The following TNRC6B variants were observed in gnomAD, a reference collection of about 807,000 sequenced individuals.
TNRC6B encodes trinucleotide repeat-containing gene 6B protein.
Under a neutral mutation model 203.6 loss-of-function variants are expected in TNRC6B, and 52 were observed. The ratio of observed to expected loss-of-function variants is 0.26; its 90% CI spans 0.20 to 0.32. The LOEUF is 0.32. TNRC6B is among the 10% of genes least tolerant of loss of function. The pLI, the probability that TNRC6B is intolerant of heterozygous loss-of-function variation, is 1.00. For missense variants in TNRC6B, 1,923 were observed against 2,286.2 expected (o/e 0.84, Z 3.24); for synonymous variants, 838 against 845.7 (o/e 0.99, Z 0.16).
rs576792820 is a variant in TNRC6B at position 40,086,317 on chromosome 22, G to T, written c.-120-30738G>T. ...GTATCCTCCAAAAGAGACCAGTAAGGTCTTAAAATATACTTATTTCATTAT... is the reference window on the plus strand; with the variant it reads ...GTATCCTCCAAAAGAGACCAGTAAGTTCTTAAAATATACTTATTTCATTAT... On this transcript the variant is annotated intron_variant, in intron 1 of 23. Coordinates refer to the TNRC6B transcript ENST00000301923. Among the ~76,000 whole-genome samples, 11 of 152,230 alleles carry T rather than the reference G, an allele frequency of 7.2e-5. No homozygotes were observed. In the East Asian group the frequency reaches 2.1e-3, roughly 29 times the overall value.
chr22:40,228,491 G>C (rs1054762952), intron 1 of TNRC6B, among the ~76,000 whole-genome samples: 1 of 151,338 alleles, frequency 6.6e-6, no homozygotes, highest in African/African-American at 2.4e-5. Flanking sequence ...GTATGTTAGA[G>C]TATGTGGTAT....
chr22:40,195,565 T>A (rs1352825156), intron 1 of TNRC6B, among the ~76,000 whole-genome samples: 1 of 150,972 alleles, frequency 6.6e-6, no homozygotes, highest in East Asian at 2.0e-4. Context: ...AGCCAAACAA[T>A]ACTCCTGGGT....
intron 1 of TNRC6B, among the ~76,000 whole-genome samples, chr22:40,053,479 G>GA (rs11388814): frequency 0.32 from 47,704 of 150,880 alleles, 9,656 homozygotes; most frequent in African/African-American, 0.58. Flanking sequence ...CTACAGTATG[G>GA]AAAAAAAAAT....
At chr22:40,147,123 G>T (rs1232784034) in intron 3 of TNRC6B, among the ~76,000 whole-genome samples, 1 of 152,222 alleles carries the variant, frequency 6.6e-6, no homozygotes, top group Non-Finnish European at 1.5e-5. Context: ...CTTACAAAGG[G>T]AAGGAAACTC....
chr22:40,143,672 A>AT (rs1038853288), intron 3 of TNRC6B, among the ~76,000 whole-genome samples: 6 of 151,958 alleles, frequency 3.9e-5, no homozygotes, highest in Non-Finnish European at 7.4e-5. Context: ...AATTTTTTGT[A>AT]TTTTTAGTAG....
intron 2 of TNRC6B, among the ~76,000 whole-genome samples, chr22:40,120,335 CAAA>C (rs11429406): frequency 1.7e-5 from 2 of 118,302 alleles, no homozygotes; most frequent in African/African-American, 2.8e-5. Context: ...GACCCTGTCT[CAAA>C]AAAAAAAAAA....
intron 1 of TNRC6B, among the ~76,000 whole-genome samples, chr22:40,076,814 C>G (rs1482149161): frequency 3.3e-5 from 5 of 152,130 alleles, no homozygotes. Flanking sequence ...TTACCTTTAG[C>G]TTGACAATGT....
chr22:40,124,503 G>C (rs897443352), intron 2 of TNRC6B, among the ~76,000 whole-genome samples: 2 of 151,692 alleles, frequency 1.3e-5, no homozygotes, highest in Non-Finnish European at 2.9e-5. Flanking sequence ...TTGTATTTTG[G>C]GTAGAGGTGG....
intron 1 of TNRC6B, among the ~76,000 whole-genome samples, chr22:40,079,059 C>T (rs531990056): frequency 1.3e-5 from 2 of 151,178 alleles, no homozygotes; most frequent in Non-Finnish European, 2.9e-5. Flanking sequence ...GGGCGACAAG[C>T]ATGAAACTCT....
chr22:40,147,468 A>C (rs1458878684), intron 3 of TNRC6B, among the ~76,000 whole-genome samples: 2 of 152,232 alleles, frequency 1.3e-5, no homozygotes, highest in African/African-American at 4.8e-5. Flanking sequence ...ATTTTCTGAT[A>C]GTTCTAGAGG....
At chr22:40,317,820 C>T (rs2071279379) in intron 21 of TNRC6B, among the ~76,000 whole-genome samples, 1 of 152,220 alleles carries the variant, frequency 6.6e-6, no homozygotes, top group South Asian at 2.1e-4. Context: ...AAAACTGAGT[C>T]CATCACAACC....
At position 40,264,630 on chromosome 22, in the gene TNRC6B, G is replaced by A. The variant is rs2070445181; in HGVS notation, c.458-58G>A. ...AGCTCAAAGGAGAGCCCCTTTGAGG[G>A]ATTAATGGGTAATGAATGCATTTGA... On this transcript the variant is annotated intron_variant, in intron 4 of 22. Transcript: ENST00000454349. 3.3e-6 allele frequency: 5 copies of A among 1,514,140 alleles called. No homozygotes were observed. The Admixed American group carries it at 1.1e-4, about 34-fold the overall frequency. The allele number at this position is 1,514,140 out of a possible 1,614,324, so 93.8% of individuals were successfully genotyped here.
chr22:40,315,601 G>T, intron 20 of TNRC6B, 94 bp downstream of exon 20: 1 of 1,358,198 alleles, frequency 7.4e-7, no homozygotes, highest in Non-Finnish European at 1.0e-6. Flanking sequence ...CTTCCCAAGA[G>T]AGGAAGTCAT....
At chr22:40,258,071 C>CTGTTTTTTT (rs2070309689) in intron 3 of TNRC6B, among the ~76,000 whole-genome samples, 1 of 28,700 alleles carries the variant, frequency 3.5e-5, no homozygotes, top group Non-Finnish European at 6.4e-5. Flanking sequence ...GATACACAGC[C>CTGTTTTTTT]TTTTTTTTTT....
intron 5 of TNRC6B, among the ~76,000 whole-genome samples, chr22:40,268,419 T>G (rs2070510502): frequency 6.6e-6 from 1 of 152,198 alleles, no homozygotes; most frequent in Non-Finnish European, 1.5e-5. Flanking sequence ...ACCTCTAGTG[T>G]TCAGCTAATC....
At chr22:40,202,118 C>T (rs969746340) in intron 1 of TNRC6B, among the ~76,000 whole-genome samples, 1 of 152,052 alleles carries the variant, frequency 6.6e-6, no homozygotes, top group Admixed American at 6.6e-5. Context: ...CTTTGAATGT[C>T]AGAGAAAGGA....
At chr22:40,269,668 G>C (rs1053928723) in intron 5 of TNRC6B, among the ~76,000 whole-genome samples, 1 of 151,982 alleles carries the variant, frequency 6.6e-6, no homozygotes, top group African/African-American at 2.4e-5. Flanking sequence ...AGATCACAAG[G>C]TCAGGAGTTT....
At chr22:40,256,112 A>G (rs2070273055) in intron 3 of TNRC6B, among the ~76,000 whole-genome samples, 1 of 152,194 alleles carries the variant, frequency 6.6e-6, no homozygotes, top group African/African-American at 2.4e-5. Context: ...GGATAATGAT[A>G]TGTGGGTGGG....
chr22:40,102,158 AC>A (rs1225872938), intron 1 of TNRC6B, among the ~76,000 whole-genome samples: 6 of 152,218 alleles, frequency 3.9e-5, no homozygotes, highest in Non-Finnish European at 7.3e-5. Context: ...TTTTAAAAAA[AC>A]ATTATATACT....
Sources: allele counts gnomAD v4.1 joint callset (sites outside exome capture counted in the v4.1 genomes callset), GRCh38; gene constraint gnomAD v4.1.1; transcripts MANE v1.5; gene names NCBI Gene and HGNC (gene_info 2026-07-23, HGNC 2026-07-21).